HSPA4L: variants seen among roughly 807,000 people sequenced by gnomAD.
HSPA4L encodes the protein heat shock 70 kDa protein 4L.
Under a neutral mutation model 100.3 loss-of-function variants are expected in HSPA4L, and 48 were observed. That is an observed-to-expected ratio of 0.48 (90% CI 0.38 to 0.61). The LOEUF is 0.61. Ranked by LOEUF, HSPA4L falls within the 20% of genes least tolerant of loss-of-function variation. HSPA4L has a pLI of 0.00. For missense variants in HSPA4L, 886 were observed against 988.6 expected, an observed-to-expected ratio of 0.90 and a Z score of 1.39; for synonymous variants, 319 against 328.2, an observed-to-expected ratio of 0.97 and a Z score of 0.30.
At position 127,840,292 on chromosome 4, in the gene HSPA4L, G is replaced by A. The variant is rs1365921227; in HGVS notation, c.*7418G>A. The A allele has an allele frequency of 1.9e-5, 1 of 53,326 alleles. No individual in the cohort carries two copies. Among genetic ancestry groups the A allele is most frequent in the Admixed American group, 2.6e-4 (1 of 3,920 alleles). 3.3% of individuals were successfully genotyped at this position (53,326 alleles called of 1,614,324 possible). The stretch of plus-strand genomic sequence containing the variant: ...CTAGTCATTATGGAAAATAACTTTT[G>A]GCAGTTTAGTTCCTAATGTTAACAA... On this transcript the variant is annotated 3_prime_UTR_variant, in exon 19 of 19. Coordinates refer to ENST00000296464, the MANE Select transcript of HSPA4L (RefSeq NM_014278.4).
chr4:127,785,884 G>A (rs1293245310), intron 1 of HSPA4L, among the ~76,000 whole-genome samples: 1 of 152,106 alleles, frequency 6.6e-6, no homozygotes, highest in Admixed American at 6.6e-5. Flanking sequence ...AACTATCTTT[G>A]TAACTAAATT....
In HSPA4L at chr4:127,832,839, C is replaced by G. The variant is rs775946595; in HGVS notation, c.2485C>G (p.His829Asp). The change falls in exon 19 of 19, where the codon CAT becomes GAT. Residue 829 changes from histidine (H) to aspartate (D), a missense_variant. Physicochemically the swap from His to Asp is moderately conservative, Grantham distance 81. Coordinates refer to ENST00000296464, the MANE Select transcript of HSPA4L (RefSeq NM_014278.4). ...KSDSTKDSSQ[H>D]TKSSGEMEVD Reference sequence around the variant, plus strand: ...AGATTCAACAAAAGACAGCTCACAGCATACTAAATCCTCTGGAGAGATGGA... The same window carrying G: ...AGATTCAACAAAAGACAGCTCACAGGATACTAAATCCTCTGGAGAGATGGA... 6.2e-7 allele frequency: 1 copy of G among 1,611,620 alleles called. No homozygotes were observed. Among genetic ancestry groups the G allele is most frequent in the Non-Finnish European group, 8.5e-7 (1 of 1,178,950 alleles).
intron 12 of HSPA4L, among the ~76,000 whole-genome samples, chr4:127,815,670 T>C (rs941068405): frequency 2.0e-5 from 3 of 152,166 alleles, no homozygotes; most frequent in African/African-American, 7.2e-5. Flanking sequence ...TTTGCTTATG[T>C]GTAGCCAGGA....
rs566560877 is a variant in HSPA4L, at chr4:127,803,723, A to G, written c.758A>G (p.Lys253Arg). ...YFCDEFKTKY[K>R]INVKENSRAL... ...TGTGATGAGTTCAAGACCAAATATA[A>G]GATAAATGTGAAAGAAAACTCTCGG... Residue 253 changes from lysine to arginine, a missense_variant, in exon 7 of 19, where the codon AAG becomes AGG. Physicochemically the swap from Lys to Arg is conservative, Grantham distance 26. Transcript: ENST00000296464. 9 of 1,614,020 alleles carry G rather than the reference A, an allele frequency of 5.6e-6. No individual in the cohort carries two copies. In the East Asian group the frequency reaches 1.8e-4, roughly 32 times the overall value.
chr4:127,803,718 A>G lies in HSPA4L; in HGVS notation c.753A>G (p.Lys251=), dbSNP rs768536383. 1 of 1,613,992 alleles carries G rather than the reference A, an allele frequency of 6.2e-7. No homozygotes were observed. Among genetic ancestry groups the G allele is most frequent in the Non-Finnish European group, 8.5e-7 (1 of 1,179,960 alleles). ...VDYFCDEFKT[K]YKINVKENSR... ...ACTTCTGTGATGAGTTCAAGACCAAATATAAGATAAATGTGAAAGAAAACT... is the reference window on the plus strand; with the variant it reads ...ACTTCTGTGATGAGTTCAAGACCAAGTATAAGATAAATGTGAAAGAAAACT... The change falls in exon 7 of 19, where the codon AAA becomes AAG. Residue 251 remains lysine, a synonymous_variant. Transcript: ENST00000296464.
intron 3 of HSPA4L, among the ~76,000 whole-genome samples, chr4:127,796,174 A>G (rs1275391875): frequency 2.6e-5 from 4 of 152,132 alleles, no homozygotes; most frequent in Non-Finnish European, 4.4e-5. Flanking sequence ...ATGAAGGTAT[A>G]TAGGATTCAG....
Position 127,803,843 on chromosome 4 carries a change from A to G in HSPA4L, c.878A>G (p.Asn293Ser). The change falls in exon 7 of 19, where the codon AAT becomes AGT. Residue 293 changes from asparagine to serine, a missense_variant. Transcript: ENST00000296464. ...CCATTGAACATTGAGTGTTTCATGA[A>G]TGACCTTGATGTTTCTAGTAAAATG... ...DLPLNIECFMNDLDVSSKMNR... is the reference protein window; with the variant it reads ...DLPLNIECFMSDLDVSSKMNR... The G allele has an allele frequency of 6.2e-7, 1 of 1,613,788 alleles. No individual in the cohort carries two copies.
intron 14 of HSPA4L, 129 bp downstream of exon 14, chr4:127,820,694 TA>T: frequency 1.3e-6 from 1 of 793,260 alleles, no homozygotes; most frequent in South Asian, 1.9e-5. Context: ...AGTAGATTAC[TA>T]AACTATTTTT....
intron 1 of HSPA4L, among the ~76,000 whole-genome samples, chr4:127,789,320 G>A (rs560712712): frequency 6.6e-6 from 1 of 152,264 alleles, no homozygotes; most frequent in African/African-American, 2.4e-5. Flanking sequence ...AATAGCAAGA[G>A]CAGATTGGAT....
chr4:127,804,481 C>T (rs1252950860), intron 8 of HSPA4L, among the ~76,000 whole-genome samples: 1 of 152,048 alleles, frequency 6.6e-6, no homozygotes, highest in Non-Finnish European at 1.5e-5. Context: ...TGGTGCGCAC[C>T]TGTAACCCCA....
At chr4:127,794,823 T>C (rs1412329501) in intron 2 of HSPA4L, among the ~76,000 whole-genome samples, 1 of 152,076 alleles carries the variant, frequency 6.6e-6, no homozygotes, top group Non-Finnish European at 1.5e-5. Context: ...GAGAGCAACA[T>C]AGTAATTCAG....
Position 127,807,989 on chromosome 4 carries a change from A to G in HSPA4L, c.1245-7A>G, listed in dbSNP as rs376861856. The G allele has an allele frequency of 1.4e-5, 23 of 1,606,316 alleles. No homozygotes were observed. The highest frequency in any genetic ancestry group is 1.9e-5 in the Non-Finnish European group (22 of 1,177,982). On this transcript the variant is annotated splice_region_variant and splice_polypyrimidine_tract_variant and intron_variant, in intron 10 of 18. Coordinates refer to ENST00000296464, the MANE Select transcript of HSPA4L (RefSeq NM_014278.4). ...GTTTCTAAGTGAGTTCTTTCCCTCC[A>G]TTTTAGGGAATGTGAAGTTTTCTGT...
chr4:127,818,431 C>T lies in HSPA4L; in HGVS notation c.1674+11C>T. 1.3e-6 allele frequency: 2 copies of T among 1,541,128 alleles called. No individual in the cohort carries two copies. On this transcript the variant is annotated intron_variant, in intron 13 of 18. Transcript: ENST00000296464. ...GGAGCCAAAACAAAGGTTTGGTTTA[C>T]TTTTTCTGTAGTTATGTCTTTTTGA...
intron 12 of HSPA4L, among the ~76,000 whole-genome samples, chr4:127,815,232 C>T (rs1255508177): frequency 1.3e-5 from 2 of 151,916 alleles, no homozygotes; most frequent in Non-Finnish European, 2.9e-5. Context: ...CGAAAAATCA[C>T]AATAGAGCTT....
intron 17 of HSPA4L, among the ~76,000 whole-genome samples, chr4:127,828,431 C>A (rs939436991): frequency 6.6e-6 from 1 of 152,016 alleles, no homozygotes; most frequent in African/African-American, 2.4e-5. Context: ...ATGCTATTAT[C>A]TTTATTTTAC....
chr4:127,783,469 G>T, intron 1 of HSPA4L: 1 of 1,423,162 alleles, frequency 7.0e-7, no homozygotes, highest in Non-Finnish European at 9.2e-7. Flanking sequence ...TATTATGAAC[G>T]CTTAATGAAA....
intron 11 of HSPA4L, among the ~76,000 whole-genome samples, chr4:127,810,399 G>A (rs1353313416): frequency 6.6e-6 from 1 of 152,132 alleles, no homozygotes; most frequent in Non-Finnish European, 1.5e-5. Flanking sequence ...AAGCTAGGTG[G>A]CTTAAACGTT....
chr4:127,782,483 G>C lies in HSPA4L; in HGVS notation c.-68G>C, dbSNP rs554125512. On this transcript the variant is annotated 5_prime_UTR_variant, in exon 1 of 19. Transcript: ENST00000296464. ...AGGAGTCGCAATCCCAGCAGCAATA[G>C]CCCAGAAGAGGACACGGTTCCCGTA... 3.7e-5 allele frequency: 49 copies of C among 1,309,074 alleles called. No individual in the cohort carries two copies. The African/African-American group carries it at 6.1e-4, about 16-fold the overall frequency. 81.1% of individuals were successfully genotyped at this position (1,309,074 alleles called of 1,614,324 possible). A position where few individuals can be genotyped will look rare whatever the true frequency, so the allele number is the denominator to read the frequency against.
At position 127,835,702 on chromosome 4, in the gene HSPA4L, CA is replaced by C. The variant is rs111999996; in HGVS notation, c.*2838del. The C allele has an allele frequency of 5.7e-5, 8 of 141,480 alleles. No homozygotes were observed. Among genetic ancestry groups the C allele is most frequent in the Admixed American group, 1.4e-4 (2 of 14,258 alleles). The allele number at this position is 141,480 out of a possible 1,614,324, so 8.8% of individuals were successfully genotyped here. ...TGGGCAACAGAACAAGACTCCGTCT[CA>C]AAAAAAAAACAAAAATTCTTCCAAA... On this transcript the variant is annotated 3_prime_UTR_variant, in exon 19 of 19. Transcript: ENST00000296464.
Sources: gnomAD v4.1 joint callset for allele counts (sites outside exome capture counted in the v4.1 genomes callset) on GRCh38, gnomAD v4.1.1 for gene constraint, MANE v1.5 for transcripts, NCBI Gene and HGNC (gene_info 2026-07-23, HGNC 2026-07-21) for gene names.